The following ST8SIA4 variants were observed in gnomAD, a reference collection of about 807,000 sequenced individuals.
ST8SIA4 encodes ST8 alpha-N-acetyl-neuraminide alpha-2,8-sialyltransferase 4.
Under a neutral mutation model 33.9 loss-of-function variants are expected in ST8SIA4, and 15 were observed. The observed-to-expected ratio is 0.44, with a 90% CI of 0.30 to 0.68. ST8SIA4 has a LOEUF of 0.68. Among genes scored for constraint, ST8SIA4 ranks in the 30% least tolerant of loss-of-function variants. ST8SIA4 has a pLI of 0.10. For missense variants in ST8SIA4, 321 were observed against 428.0 expected (o/e 0.75, Z 2.21); for synonymous variants, 171 against 151.2 (o/e 1.13, Z -0.96).
chr5:100,888,913 A>G lies in ST8SIA4; in HGVS notation c.246-2313T>C, dbSNP rs927067632. On this transcript the variant is annotated intron_variant, in intron 2 of 4. Coordinates refer to ENST00000231461, the MANE Select transcript of ST8SIA4 (RefSeq NM_005668.6). The stretch of plus-strand genomic sequence containing the variant: ...AATAATGTTATGATCTTTTTCCCCA[A>G]ATATTCTGAATATCAGGTTCAAAAC... Among the ~76,000 whole-genome samples the G allele has an allele frequency of 3.9e-4, 60 of 152,020 alleles. 1 individual carries two copies. The highest frequency in any genetic ancestry group is 6.2e-4 in the South Asian group (3 of 4,826).
At chr5:100,872,562 C>T (rs185532508) in intron 3 of ST8SIA4, among the ~76,000 whole-genome samples, 15 of 152,060 alleles carry the variant, frequency 9.9e-5, no homozygotes, top group African/African-American at 9.6e-5. Context: ...GAGTTTCCTC[C>T]GTCCTGTTCT....
At chr5:100,885,803 AC>A (rs1443114127) in intron 3 of ST8SIA4, 11 of 895,440 alleles carry the variant, frequency 1.2e-5, no homozygotes, top group South Asian at 5.1e-5. Flanking sequence ...TGTTAAAAAA[AC>A]ATAAAATTCA....
At chr5:100,823,132 TAAACAAAC>T (rs3995455) in intron 4 of ST8SIA4, among the ~76,000 whole-genome samples, 13 of 139,794 alleles carry the variant, frequency 9.3e-5, no homozygotes, top group South Asian at 2.3e-4. Context: ...CTCCGTCTCA[TAAACAAAC>T]AAACAAACAA....
At chr5:100,818,463 A>G (rs1750974607) in intron 4 of ST8SIA4, among the ~76,000 whole-genome samples, 1 of 152,160 alleles carries the variant, frequency 6.6e-6, no homozygotes, top group African/African-American at 2.4e-5. Context: ...ACAATTTTGT[A>G]CTTTCACTAT....
intron 4 of ST8SIA4, among the ~76,000 whole-genome samples, chr5:100,842,133 TA>T (rs1256148810): frequency 6.6e-6 from 1 of 151,962 alleles, no homozygotes; most frequent in African/African-American, 2.4e-5. Flanking sequence ...AAAATATCTG[TA>T]TTTCACTTTT....
intron 2 of ST8SIA4, among the ~76,000 whole-genome samples, chr5:100,892,568 A>G (rs756512142): frequency 6.6e-6 from 1 of 152,126 alleles, no homozygotes; most frequent in Non-Finnish European, 1.5e-5. Flanking sequence ...GATTAGTAAT[A>G]GGGTTGAAAA....
intron 4 of ST8SIA4, among the ~76,000 whole-genome samples, chr5:100,835,420 C>CT (rs1232362248): frequency 6.6e-6 from 1 of 151,800 alleles, no homozygotes; most frequent in South Asian, 2.1e-4. Context: ...TTTTAAAAAT[C>CT]TTTTTTTTCA....
chr5:100,843,573 G>T (rs1187172997), intron 4 of ST8SIA4, among the ~76,000 whole-genome samples: 1 of 151,904 alleles, frequency 6.6e-6, no homozygotes, highest in Non-Finnish European at 1.5e-5. Flanking sequence ...CATTGCTGAA[G>T]AAATGAAGTC....
At chr5:100,875,668 A>C (rs1461145969) in intron 3 of ST8SIA4, among the ~76,000 whole-genome samples, 1 of 152,168 alleles carries the variant, frequency 6.6e-6, no homozygotes, top group Non-Finnish European at 1.5e-5. Context: ...ACTGTTCATG[A>C]CTGGCTCTTG....
At chr5:100,900,287 C>A (rs1410205174) in intron 1 of ST8SIA4, 2 of 387,986 alleles carry the variant, frequency 5.2e-6, no homozygotes, top group African/African-American at 2.1e-5. Flanking sequence ...CGCAGTGCCC[C>A]CCAAAGGCCA....
intron 4 of ST8SIA4, among the ~76,000 whole-genome samples, chr5:100,817,001 G>GGC (rs1430849451): frequency 1.3e-5 from 2 of 149,948 alleles, no homozygotes; most frequent in East Asian, 3.9e-4. Flanking sequence ...GGAGTGCAAT[G>GGC]GCGCAATCTT....
At chr5:100,886,720 C>G (rs1356814390) in intron 2 of ST8SIA4, 120 bp from the exon 3 acceptor site, 1 of 786,286 alleles carries the variant, frequency 1.3e-6, no homozygotes, top group African/African-American at 1.7e-5. Context: ...TCTTAGATTA[C>G]CAAATTGGTA....
At chr5:100,885,733 C>T in intron 3 of ST8SIA4, 1 of 941,022 alleles carries the variant, frequency 1.1e-6, no homozygotes. Context: ...GTTAATCAAA[C>T]ACACAATTCA....
intron 3 of ST8SIA4, among the ~76,000 whole-genome samples, chr5:100,880,854 T>G (rs1206241684): frequency 6.6e-6 from 1 of 152,240 alleles, no homozygotes; most frequent in East Asian, 1.9e-4. Context: ...TTCTCATTCA[T>G]ATTTACCATA....
intron 4 of ST8SIA4, among the ~76,000 whole-genome samples, chr5:100,843,019 A>G (rs1057400664): frequency 6.6e-6 from 1 of 151,930 alleles, no homozygotes. Flanking sequence ...GAACACTGGT[A>G]AAGTTTGCTG....
At chr5:100,833,365 T>C (rs764904185) in intron 4 of ST8SIA4, among the ~76,000 whole-genome samples, 4 of 152,126 alleles carry the variant, frequency 2.6e-5, no homozygotes, top group Non-Finnish European at 4.4e-5. Context: ...TCTCAAATTA[T>C]TTTACTCAAT....
intron 4 of ST8SIA4, among the ~76,000 whole-genome samples, chr5:100,838,160 G>A (rs767091177): frequency 6.6e-6 from 1 of 151,966 alleles, no homozygotes; most frequent in Non-Finnish European, 1.5e-5. Flanking sequence ...CTAGAGTATA[G>A]AAGACAGCAC....
At chr5:100,896,140 C>A (rs901141097) in intron 1 of ST8SIA4, among the ~76,000 whole-genome samples, 1 of 152,072 alleles carries the variant, frequency 6.6e-6, no homozygotes, top group Non-Finnish European at 1.5e-5. Context: ...CAAAGAGATG[C>A]TTGCAGTCCC....
intron 2 of ST8SIA4, among the ~76,000 whole-genome samples, chr5:100,891,512 T>C (rs1011875117): frequency 6.6e-6 from 1 of 151,908 alleles, no homozygotes; most frequent in African/African-American, 2.4e-5. Flanking sequence ...GTCCTAGCAG[T>C]TATGGGAAAG....
Sources: gnomAD v4.1 joint callset for allele counts (sites outside exome capture counted in the v4.1 genomes callset) on GRCh38, gnomAD v4.1.1 for gene constraint, MANE v1.5 for transcripts, NCBI Gene and HGNC (gene_info 2026-07-23, HGNC 2026-07-21) for gene names.